Variants in EML6 observed in about 807,000 individuals in gnomAD.
The protein encoded by EML6 is EMAP like 6.
EML6 carries 154 observed loss-of-function variants against 240.1 expected under a neutral mutation model. The ratio of observed to expected loss-of-function variants is 0.64; its 90% confidence interval spans 0.56 to 0.73. The LOEUF (loss-of-function observed/expected upper bound fraction) is 0.73, where lower values mean the gene tolerates loss of function less well. Ranked by LOEUF, EML6 falls within the 30% of genes least tolerant of loss-of-function variation. The probability of loss-of-function intolerance (pLI) is 0.00; values close to 1 mark genes in which losing one functional copy is unlikely to be tolerated. For synonymous variants in EML6, 1,148 were observed against 899.0 expected, an observed-to-expected ratio of 1.28 and a Z score of -4.95; for missense variants, 2,964 against 2,474.6, an observed-to-expected ratio of 1.20 and a Z score of -4.20.
intron 13 of EML6, 25 bp downstream of exon 13, chr2:54,863,914 A>G (rs1202411590): frequency 7.7e-7 from 1 of 1,290,986 alleles, no homozygotes; most frequent in Non-Finnish European, 1.1e-6. Context: ...AGCAATGAAA[A>G]TTTGTAACCC....
intron 8 of EML6, among the ~76,000 whole-genome samples, chr2:54,846,217 C>G (rs981810298): frequency 5.9e-5 from 9 of 152,132 alleles, no homozygotes; most frequent in African/African-American, 2.2e-4. Flanking sequence ...TGAGGAGCAA[C>G]AGAGGGGGAT....
In EML6 at chr2:54,847,580, G is replaced by A; in HGVS notation, c.1144G>A (p.Ala382Thr). The change falls in exon 9 of 42, where the codon GCC becomes ACC. Residue 382 changes from alanine (A) to threonine (T), a missense_variant. Transcript: ENST00000356458. ...TTTCAGCCCCGACGGATCTCAGCTGGCCCTGGGCATGAAGGACGGCTCTTT... is the reference window on the plus strand; with the variant it reads ...TTTCAGCCCCGACGGATCTCAGCTGACCCTGGGCATGAAGGACGGCTCTTT... ...VAFSPDGSQL[A>T]LGMKDGSFIV... 6.4e-7 allele frequency: 1 copy of A among 1,552,342 alleles called. No homozygotes were observed. Among genetic ancestry groups the A allele is most frequent in the Non-Finnish European group, 8.7e-7 (1 of 1,147,144 alleles).
Position 54,869,283 on chromosome 2 carries a change from C to T in EML6, c.2154C>T (p.His718=), listed in dbSNP as rs1361335718. 6 of 1,551,712 alleles carry T rather than the reference C, an allele frequency of 3.9e-6. No homozygotes were observed. In the Admixed American group the frequency reaches 1.2e-4, roughly 30 times the overall value. The change falls in exon 15 of 42, where the codon CAC becomes CAT. Residue 718 remains histidine (H), a synonymous_variant. Coordinates refer to ENST00000356458, the MANE Select transcript of EML6 (RefSeq NM_001039753.4). ...AVAVVYNRQQ[H]SQRLYLGHDD... ...CTGTCGTGTATAATCGGCAGCAGCA[C>T]TCCCAGAGGCTGTACCTGGGGCACG...
chr2:54,844,653 T>G (rs1669651956), intron 8 of EML6, among the ~76,000 whole-genome samples: 1 of 152,264 alleles, frequency 6.6e-6, no homozygotes. Flanking sequence ...ACTTAAATTC[T>G]GATTCTCAAA....
At chr2:54,840,438 C>G (rs1164986265) in intron 7 of EML6, among the ~76,000 whole-genome samples, 10 of 152,164 alleles carry the variant, frequency 6.6e-5, no homozygotes, top group African/African-American at 2.4e-4. Flanking sequence ...ATTTGCATCA[C>G]TTTAGTTTTT....
intron 24 of EML6, among the ~76,000 whole-genome samples, chr2:54,904,147 G>T (rs1257190857): frequency 2.0e-5 from 3 of 152,204 alleles, no homozygotes; most frequent in African/African-American, 7.2e-5. Context: ...TTATAATTGA[G>T]TGAGGGAGAT....
intron 14 of EML6, 94 bp from the exon 15 acceptor site, chr2:54,869,087 T>A: frequency 1.3e-6 from 1 of 767,642 alleles, no homozygotes; most frequent in Non-Finnish European, 2.1e-6. Flanking sequence ...TTGTACATGT[T>A]CACGTCAATA....
intron 2 of EML6, among the ~76,000 whole-genome samples, chr2:54,744,953 CACACACA>C (rs1558521045): frequency 5.9e-5 from 7 of 118,002 alleles, no homozygotes; most frequent in Non-Finnish European, 9.7e-5. Flanking sequence ...CACACACACA[CACACACA>C]CACCCTGCCA....
intron 2 of EML6, among the ~76,000 whole-genome samples, chr2:54,791,143 T>A (rs1454148990): frequency 6.6e-6 from 1 of 152,086 alleles, no homozygotes; most frequent in Admixed American, 6.6e-5. Context: ...TGAAGAGAAA[T>A]TCAGAGAGGT....
At chr2:54,967,831 C>G (rs962198319) in intron 39 of EML6, among the ~76,000 whole-genome samples, 10 of 152,178 alleles carry the variant, frequency 6.6e-5, no homozygotes, top group Admixed American at 5.9e-4. Flanking sequence ...AGCTTGCAAC[C>G]TAGATCCCTC....
intron 8 of EML6, among the ~76,000 whole-genome samples, chr2:54,844,499 G>T (rs183076101): frequency 1.3e-5 from 2 of 152,262 alleles, no homozygotes; most frequent in East Asian, 1.9e-4. Flanking sequence ...CTGGCTTCCA[G>T]ATCTTTCTAA....
At chr2:54,770,594 C>G (rs1357075840) in intron 2 of EML6, among the ~76,000 whole-genome samples, 3 of 152,178 alleles carry the variant, frequency 2.0e-5, no homozygotes, top group Non-Finnish European at 2.9e-5. Flanking sequence ...CCACTTCTCA[C>G]TTCCTAGTCT....
chr2:54,820,778 G>A (rs1250229147), intron 5 of EML6, among the ~76,000 whole-genome samples: 2 of 152,148 alleles, frequency 1.3e-5, no homozygotes, highest in African/African-American at 4.8e-5. Flanking sequence ...TTATTTTAAT[G>A]TTGTGAAGTA....
intron 7 of EML6, among the ~76,000 whole-genome samples, chr2:54,830,659 A>G (rs1479103472): frequency 6.6e-6 from 1 of 152,176 alleles, no homozygotes; most frequent in Non-Finnish European, 1.5e-5. Flanking sequence ...GGACTGGGAG[A>G]AAACAGCCTA....
intron 30 of EML6, 61 bp downstream of exon 30, chr2:54,950,840 C>G (rs765767075): frequency 8.7e-6 from 13 of 1,490,252 alleles, no homozygotes; most frequent in African/African-American, 2.8e-5. Flanking sequence ...GCTTTCCCCA[C>G]TCTTTAGATG....
In EML6 at chr2:54,813,141, T is replaced by G. The variant is rs1667933166; in HGVS notation, c.198-91T>G. ...ACTCTTTCTCTTGAGATCACCTTGT[T>G]AGATAATTTAAATGAGAAACAGATT... On this transcript the variant is annotated intron_variant, in intron 2 of 41. Coordinates refer to ENST00000356458, the MANE Select transcript of EML6 (RefSeq NM_001039753.4). The G allele has an allele frequency of 4.5e-6, 4 of 898,540 alleles. No homozygotes were observed. The South Asian group carries it at 7.0e-5, about 16-fold the overall frequency. 55.7% of individuals were successfully genotyped at this position (898,540 alleles called of 1,614,324 possible).
At chr2:54,882,594 C>T (rs1454235385) in intron 17 of EML6, 2 of 152,046 alleles carry the variant, frequency 1.3e-5, no homozygotes, top group East Asian at 3.9e-4. Flanking sequence ...CGCGGTAGCT[C>T]ACGCCCGTAA....
intron 16 of EML6, among the ~76,000 whole-genome samples, chr2:54,879,236 C>A (rs1468444253): frequency 6.6e-6 from 1 of 152,272 alleles, no homozygotes. Context: ...AATGTCAGGT[C>A]GGCAGTTTAC....
At chr2:54,895,441 G>A (rs2104142959) in intron 21 of EML6, 41 bp downstream of exon 21, 2 of 1,548,508 alleles carry the variant, frequency 1.3e-6, no homozygotes, top group Non-Finnish European at 1.7e-6. Context: ...TCACATCAAG[G>A]CTGGGACTAG....
Sources: allele counts gnomAD v4.1 joint callset (sites outside exome capture counted in the v4.1 genomes callset), GRCh38; gene constraint gnomAD v4.1.1; transcripts MANE v1.5; gene names NCBI Gene and HGNC (gene_info 2026-07-23, HGNC 2026-07-21).